Variants in GON4L observed in about 807,000 individuals in gnomAD.
GON4L encodes GON-4-like protein.
Under a neutral mutation model 211.8 loss-of-function variants are expected in GON4L, and 87 were observed. That is an observed-to-expected ratio of 0.41 (90% CI 0.35 to 0.49). The LOEUF (loss-of-function observed/expected upper bound fraction) is 0.49. Among genes scored for constraint, GON4L ranks in the 20% least tolerant of loss-of-function variants. The pLI, the probability that GON4L is intolerant of heterozygous loss-of-function variation, is 0.15. For missense variants in GON4L, 2,155 were observed against 2,659.5 expected (o/e 0.81, Z 4.17); for synonymous variants, 875 against 962.6 (o/e 0.91, Z 1.68).
chr1:155,791,116 G>A (rs959411061), intron 12 of GON4L, among the ~76,000 whole-genome samples: 3 of 151,812 alleles, frequency 2.0e-5, no homozygotes, highest in Non-Finnish European at 4.4e-5. Flanking sequence ...ACAAAAAGTA[G>A]CCGGGCATGG....
At chr1:155,753,115 G>T in intron 29 of GON4L, 89 bp downstream of exon 29, 1 of 969,814 alleles carries the variant, frequency 1.0e-6, no homozygotes, top group African/African-American at 1.6e-5. Flanking sequence ...CCCTGAAAAG[G>T]CTATTTATCC....
intron 14 of GON4L, among the ~76,000 whole-genome samples, chr1:155,782,539 G>A (rs953125232): frequency 2.6e-5 from 4 of 152,062 alleles, no homozygotes; most frequent in African/African-American, 9.7e-5. Flanking sequence ...TGATGAAATC[G>A]TTTAATGATA....
chr1:155,826,007 C>T (rs973268734), intron 3 of GON4L, among the ~76,000 whole-genome samples: 5 of 151,888 alleles, frequency 3.3e-5, no homozygotes, highest in Non-Finnish European at 7.4e-5. Context: ...CAAGCCATTG[C>T]ATTCCAGCAG....
intron 15 of GON4L, 52 bp downstream of exon 15, chr1:155,777,569 AC>A: frequency 8.2e-7 from 1 of 1,222,286 alleles, no homozygotes; most frequent in Non-Finnish European, 1.2e-6. Flanking sequence ...ACAGAGCCAG[AC>A]TCTGTCTCAA....
rs577705661 is a variant in GON4L, at chr1:155,768,229, G to A, written c.2647-688C>T. Among the ~76,000 whole-genome samples, 5 of 151,076 alleles carry A rather than the reference G, an allele frequency of 3.3e-5. No individual in the cohort carries two copies. The South Asian group carries it at 6.3e-4, about 19-fold the overall frequency. On this transcript the variant is annotated intron_variant, in intron 19 of 31. Transcript: ENST00000368331. Reference sequence around the variant, plus strand: ...GAGGCAGGAGAATTGCTTGAACCTGGGAGGTGGAGGTTGAGGTGAGCTGAG... The same window carrying A: ...GAGGCAGGAGAATTGCTTGAACCTGAGAGGTGGAGGTTGAGGTGAGCTGAG...
intron 6 of GON4L, 38 bp downstream of exon 6, chr1:155,820,568 C>G (rs753119529): frequency 3.3e-5 from 48 of 1,435,226 alleles, no homozygotes; most frequent in Middle Eastern, 1.8e-4. Flanking sequence ...ATTCACCAAG[C>G]TAAAAAAAAA....
chr1:155,781,276 G>A (rs1205229359), intron 14 of GON4L, among the ~76,000 whole-genome samples: 1 of 151,746 alleles, frequency 6.6e-6, no homozygotes, highest in African/African-American at 2.4e-5. Flanking sequence ...CCAAGTAGCG[G>A]GGATTACAGG....
At chr1:155,783,145 T>A (rs909902572) in intron 14 of GON4L, among the ~76,000 whole-genome samples, 1 of 152,212 alleles carries the variant, frequency 6.6e-6, no homozygotes, top group Non-Finnish European at 1.5e-5. Context: ...AGGTTTTTGA[T>A]GTAGTTGTAT....
chr1:155,854,452 G>T (rs1435159805), intron 1 of GON4L, among the ~76,000 whole-genome samples: 4 of 152,180 alleles, frequency 2.6e-5, no homozygotes, highest in African/African-American at 9.7e-5. Flanking sequence ...ACCGCGTCCA[G>T]CAAACATTGT....
At chr1:155,803,051 G>T (rs35044707) in intron 11 of GON4L, among the ~76,000 whole-genome samples, 9,928 of 152,186 alleles carry the variant, frequency 0.065, 399 homozygotes, top group African/African-American at 0.11. Flanking sequence ...AAATGATTAT[G>T]CTCCTTTATC....
rs1026575430 is a variant in GON4L at position 155,763,352 on chromosome 1, A to G, written c.4686T>C (p.Pro1562=). 11 of 1,613,828 alleles carry G rather than the reference A, an allele frequency of 6.8e-6. No individual in the cohort carries two copies. The highest frequency in any genetic ancestry group is 9.3e-6 in the Non-Finnish European group (11 of 1,179,790). Reference sequence around the variant, plus strand: ...TGGTCTCCACTTCTGGAGCAGTCTCAGGTGAAGCAAAAGTAGGAGGCTTCT... The same window carrying G: ...TGGTCTCCACTTCTGGAGCAGTCTCGGGTGAAGCAAAAGTAGGAGGCTTCT... ...SAEKPPTFAS[P]ETAPEVETSR... is the part of the protein sequence containing the mutation. The change falls in exon 22 of 32, where the codon CCT becomes CCC. Residue 1562 remains proline, a synonymous_variant. Transcript: ENST00000368331.
chr1:155,798,796 T>C (rs539788831), intron 11 of GON4L, among the ~76,000 whole-genome samples: 10 of 152,066 alleles, frequency 6.6e-5, no homozygotes, highest in Non-Finnish European at 1.2e-4. Context: ...GTGCACAGGT[T>C]TGGACTCCAT....
chr1:155,770,984 C>G, intron 19 of GON4L, 83 bp downstream of exon 19: 1 of 1,579,614 alleles, frequency 6.3e-7, no homozygotes, highest in Non-Finnish European at 8.7e-7. Flanking sequence ...AAAGAAGGTT[C>G]CTCTTTTCTT....
At position 155,822,421 on chromosome 1, in the gene GON4L, C is replaced by T. The variant is rs1442234302; in HGVS notation, c.753G>A (p.Lys251=). 1.9e-6 allele frequency: 3 copies of T among 1,613,992 alleles called. No individual in the cohort carries two copies. Among genetic ancestry groups the T allele is most frequent in the East Asian group, 4.5e-5 (2 of 44,876 alleles). ...EKRRKKKKGT[K]RKRDGRGQEG... ...CTTGACCCCTTCCATCTCGTTTCCT[C>T]TTGGTACCCTTTTTCTTTTTTCTCC... Residue 251 remains lysine (K), a synonymous_variant, in exon 4 of 32, where the codon AAG becomes AAA. Transcript: ENST00000368331.
chr1:155,827,429 T>C (rs1166689898), intron 2 of GON4L, among the ~76,000 whole-genome samples: 4 of 152,158 alleles, frequency 2.6e-5, no homozygotes, highest in African/African-American at 9.7e-5. Flanking sequence ...CACCATAAAA[T>C]TGTAAATATA....
chr1:155,841,894 G>A (rs1670800939), intron 2 of GON4L, among the ~76,000 whole-genome samples: 1 of 152,152 alleles, frequency 6.6e-6, no homozygotes, highest in African/African-American at 2.4e-5. Context: ...TGGGCGTGGT[G>A]GCGAACGCCT....
At chr1:155,759,387 C>T (rs889154886) in intron 24 of GON4L, among the ~76,000 whole-genome samples, 5 of 152,104 alleles carry the variant, frequency 3.3e-5, no homozygotes, top group African/African-American at 1.2e-4. Context: ...GCCTGACCAA[C>T]ATGGAGAAAC....
At chr1:155,828,008 A>C (rs1669378507) in intron 2 of GON4L, among the ~76,000 whole-genome samples, 1 of 152,026 alleles carries the variant, frequency 6.6e-6, no homozygotes. Context: ...GAGCTCTAAA[A>C]TTAGCTGGGT....
intron 11 of GON4L, among the ~76,000 whole-genome samples, chr1:155,801,300 T>A (rs1666638827): frequency 6.6e-6 from 1 of 152,076 alleles, no homozygotes; most frequent in Non-Finnish European, 1.5e-5. Context: ...ATAGTTTTCA[T>A]CAGATTGTCA....
Sources: gnomAD v4.1 joint callset for allele counts (sites outside exome capture counted in the v4.1 genomes callset) on GRCh38, gnomAD v4.1.1 for gene constraint, MANE v1.5 for transcripts, NCBI Gene and HGNC (gene_info 2026-07-23, HGNC 2026-07-21) for gene names.